PNCK: variants seen among roughly 807,000 people sequenced by gnomAD.
The protein encoded by PNCK is pregnancy up-regulated nonubiquitous CaM kinase.
In PNCK, 21 loss-of-function variants were observed where a neutral mutation model predicts 28.3. That is an observed-to-expected ratio of 0.74 (90% CI 0.53 to 1.07). PNCK has a LOEUF of 1.07. Among genes scored for constraint, PNCK ranks in the 50% least tolerant of loss-of-function variants. PNCK has a pLI of 0.00. For synonymous variants in PNCK, 136 were observed against 125.2 expected, an observed-to-expected ratio of 1.09 and a Z score of -0.58; for missense variants, 250 against 298.3, an observed-to-expected ratio of 0.84 and a Z score of 1.19.
chrX:153,673,488 C>T, intron 1 of PNCK: 1 of 438,976 alleles, frequency 2.3e-6, no homozygotes, highest in Non-Finnish European at 3.5e-6. Context: ...GCACCCGCTG[C>T]CCAAGCCACC....
At chrX:153,677,697 AGT>A (rs1471744078), upstream of PNCK, among the ~76,000 whole-genome samples, 11 of 98,069 alleles carry the variant, frequency 1.1e-4, no homozygotes, top group Non-Finnish European at 2.0e-4. Flanking sequence ...GTGTATATAT[AGT>A]GTGTGTATAT....
rs200243657 is a variant in PNCK, at chrX:153,671,992, C to T, written c.302G>A (p.Arg101His). The T allele has an allele frequency of 5.0e-6, 6 of 1,209,357 alleles. No individual in the cohort carries two copies. The highest frequency in any genetic ancestry group is 5.9e-5 in the East Asian group (2 of 33,736). ...ELVTGGELFD[R>H]IMERGSYTEK... The stretch of plus-strand genomic sequence containing the variant: ...TGTGTAGGAGCCGCGCTCCATGATG[C>T]GGTCAAACAGCTCGCCACCCGTCAC... The change falls in exon 5 of 12, where the codon CGC becomes CAC. Residue 101 changes from arginine (R) to histidine (H), a missense_variant. Coordinates refer to ENST00000340888, the MANE Select transcript of PNCK (RefSeq NM_001366977.1).
intron 1 of PNCK, among the ~76,000 whole-genome samples, chrX:153,685,709 C>T (rs1397025879): frequency 8.8e-6 from 1 of 113,153 alleles, no homozygotes; most frequent in African/African-American, 3.2e-5. Flanking sequence ...AGTTCTACCT[C>T]CAGGGCACAG....
In PNCK at chrX:153,669,742, C is replaced by T; in HGVS notation, c.*396G>A. The T allele has an allele frequency of 5.8e-6, 2 of 342,587 alleles. No individual in the cohort carries two copies. The highest frequency in any genetic ancestry group is 5.2e-5 in the South Asian group (2 of 38,566). The allele number at this position is 342,587 out of a possible 1,213,427, so 28.2% of individuals were successfully genotyped here. On this transcript the variant is annotated 3_prime_UTR_variant, in exon 12 of 12. Coordinates refer to ENST00000340888, the MANE Select transcript of PNCK (RefSeq NM_001366977.1). ...GGTCACCACTGGCCCATTGCTGTAT[C>T]TTTCTTTATTGGTTTGGGGAAAACT...
chrX:153,671,151 AG>A lies in PNCK; in HGVS notation c.653del (p.Pro218LeufsTer8). On this transcript the variant is annotated frameshift_variant, in exon 8 of 12. Coordinates refer to ENST00000340888, the MANE Select transcript of PNCK (RefSeq NM_001366977.1). LOFTEE classifies it high-confidence loss of function. ...CCCTCAGGATCTGGCTGAAGAGCTC[AG>A]GGTCGCTCTCGTCGTAGAAGGGGGG... Reference protein sequence around the residue: ...GYPPFYDESDPELFSQILRAS... With the variant: ...GYPPFYDESDXELFSQILRAS... The A allele has an allele frequency of 8.3e-7, 1 of 1,211,954 alleles. No individual in the cohort carries two copies. The highest frequency in any genetic ancestry group is 1.1e-6 in the Non-Finnish European group (1 of 895,564).
chrX:153,680,598 A>G (rs1242826512), intron 1 of PNCK, among the ~76,000 whole-genome samples: 1 of 110,633 alleles, frequency 9.0e-6, no homozygotes. Context: ...TGACAGATAA[A>G]GAGCTGTAGT....
intron 1 of PNCK, chrX:153,686,985 G>A (rs73633744): frequency 0.022 from 2,799 of 124,531 alleles, 93 homozygotes; most frequent in African/African-American, 0.088. Context: ...AAGCTGAGGG[G>A]GGCACACTTT....
upstream of PNCK, among the ~76,000 whole-genome samples, chrX:153,675,987 C>CTTTTTT (rs59527995): frequency 4.3e-4 from 34 of 79,911 alleles, 1 homozygote; most frequent in Non-Finnish European, 5.7e-4. Flanking sequence ...TTTTTCTTTT[C>CTTTTTT]TTTTTTTTTT....
At position 153,672,958 on chromosome X, in the gene PNCK, C is replaced by T. The variant is rs781952315; in HGVS notation, c.68+51G>A. ...ACACATGCCATCTCACACAGGTACA[C>T]ACACACACACACACACACACACACG... is the stretch of plus-strand genomic sequence containing the variant. On this transcript the variant is annotated intron_variant, in intron 2 of 11. Transcript: ENST00000340888. 1.1e-4 allele frequency: 54 copies of T among 485,307 alleles called. No individual in the cohort carries two copies. In the South Asian group the frequency reaches 1.9e-3, roughly 17 times the overall value. 40.0% of individuals were successfully genotyped at this position (485,307 alleles called of 1,213,427 possible).
At chrX:153,681,109 G>A (rs2091393882) in intron 1 of PNCK, among the ~76,000 whole-genome samples, 1 of 109,676 alleles carries the variant, frequency 9.1e-6, no homozygotes, top group Non-Finnish European at 1.9e-5. Context: ...TGGAAAATTT[G>A]AGCAAGAAAA....
At chrX:153,671,805 C>A (rs964916757) in intron 5 of PNCK, 75 bp downstream of exon 5, 8 of 1,178,904 alleles carry the variant, frequency 6.8e-6, no homozygotes, top group African/African-American at 1.8e-5. Flanking sequence ...AGGCCCCAGC[C>A]GTGCTCCCGG....
chrX:153,669,900 G>C lies in PNCK; in HGVS notation c.*238C>G, dbSNP rs781923868. On this transcript the variant is annotated 3_prime_UTR_variant, in exon 12 of 12. Coordinates refer to ENST00000340888, the MANE Select transcript of PNCK (RefSeq NM_001366977.1). ...ACCCCCTCGGCTTTTGGCGGGGCGG[G>C]GGGGGCAGGGGCGGGAGAGGCAACA... is the stretch of plus-strand genomic sequence containing the variant. 3 of 340,311 alleles carry C rather than the reference G, an allele frequency of 8.8e-6. No individual in the cohort carries two copies. The highest frequency in any genetic ancestry group is 9.8e-5 in the East Asian group (1 of 10,207). 28.0% of individuals were successfully genotyped at this position (340,311 alleles called of 1,213,427 possible). A position where few individuals can be genotyped will look rare whatever the true frequency, so the allele number is the denominator to read the frequency against.
chrX:153,679,257 C>T (rs374642632), upstream of PNCK, among the ~76,000 whole-genome samples: 4 of 110,406 alleles, frequency 3.6e-5, no homozygotes, highest in African/African-American at 1.3e-4. Flanking sequence ...AACTGCCAAC[C>T]GCTTTTCAGG....
rs1557040008 is a variant in PNCK at position 153,671,897 on chromosome X, C to T, written c.397G>A (p.Val133Met). 8 of 1,208,595 alleles carry T rather than the reference C, an allele frequency of 6.6e-6. No individual in the cohort carries two copies. The highest frequency in any genetic ancestry group is 6.7e-6 in the Non-Finnish European group (6 of 894,623). The part of the protein sequence containing the change: ...AVSYLHSLGI[V>M]HRDLKPENLL... The stretch of plus-strand genomic sequence containing the variant: ...CCAGGCACCTTGAGGTCCCGGTGCA[C>T]GATCCCCAGGCTGTGCAGGTAGGAG... The change falls in exon 5 of 12, where the codon GTG (valine) becomes ATG (methionine). Residue 133 changes from valine to methionine, a missense_variant. Val to Met is a conservative substitution (Grantham distance 21). Transcript: ENST00000340888.
intron 1 of PNCK, among the ~76,000 whole-genome samples, chrX:153,684,158 A>C (rs1231043639): frequency 8.9e-6 from 1 of 112,325 alleles, no homozygotes; most frequent in Non-Finnish European, 1.9e-5. Context: ...AGGAAAGACC[A>C]AAAACAGTTT....
upstream of PNCK, among the ~76,000 whole-genome samples, chrX:153,675,586 A>G (rs2091361140): frequency 9.0e-6 from 1 of 111,518 alleles, no homozygotes; most frequent in Admixed American, 9.4e-5. Context: ...GGAGTGCAGT[A>G]GTGCCATCTC....
At chrX:153,685,873 G>A (rs965882717) in intron 1 of PNCK, among the ~76,000 whole-genome samples, 7 of 112,915 alleles carry the variant, frequency 6.2e-5, no homozygotes, top group Non-Finnish European at 5.6e-5. Flanking sequence ...AGCTGGGGGC[G>A]GGAGGCAGGG....
chrX:153,671,434 C>T (rs1557039804), intron 6 of PNCK, 74 bp from the exon 7 acceptor site: 4 of 1,210,060 alleles, frequency 3.3e-6, no homozygotes, highest in Non-Finnish European at 4.5e-6. Context: ...CTGGCTCGGC[C>T]TACTCAAGCC....
At position 153,671,647 on chromosome X, in the gene PNCK, G is replaced by T; in HGVS notation, c.440C>A (p.Pro147His). The change falls in exon 6 of 12, where the codon CCC becomes CAC. Residue 147 changes from proline (P) to histidine (H), a missense_variant. By Grantham distance (77) the Pro-to-His change is moderately conservative. Transcript: ENST00000340888. ...LKPENLLYATPFEDSKIMVSD... is the reference protein window; with the variant it reads ...LKPENLLYATHFEDSKIMVSD... ...GACCATGATCTTCGAGTCCTCAAAG[G>T]GCGTGGCATACAGGAGGTTTTCGGG... The T allele has an allele frequency of 8.4e-7, 1 of 1,196,817 alleles. No homozygotes were observed. Among genetic ancestry groups the T allele is most frequent in the Non-Finnish European group, 1.1e-6 (1 of 887,177 alleles).
Sources: allele counts gnomAD v4.1 joint callset (sites outside exome capture counted in the v4.1 genomes callset), GRCh38; gene constraint gnomAD v4.1.1; transcripts MANE v1.5; gene names NCBI Gene and HGNC (gene_info 2026-07-23, HGNC 2026-07-21).